Variants in IGF2BP2 observed in about 807,000 individuals in gnomAD.
IGF2BP2 encodes insulin-like growth factor 2 mRNA-binding protein 2.
Under a neutral mutation model 75.8 loss-of-function variants are expected in IGF2BP2, and 17 were observed. The observed-to-expected ratio is 0.22, with a 90% CI of 0.15 to 0.34. The LOEUF (loss-of-function observed/expected upper bound fraction) is 0.34. IGF2BP2 is among the 10% of genes least tolerant of loss of function. IGF2BP2 has a pLI of 1.00. For missense variants in IGF2BP2, 516 were observed against 772.4 expected, an observed-to-expected ratio of 0.67 and a Z score of 3.93; for synonymous variants, 288 against 295.6, an observed-to-expected ratio of 0.97 and a Z score of 0.26.
At chr3:185,713,966 G>T (rs1228593955) in intron 2 of IGF2BP2, among the ~76,000 whole-genome samples, 2 of 152,234 alleles carry the variant, frequency 1.3e-5, no homozygotes, top group Non-Finnish European at 2.9e-5. Context: ...CTCCCAAAGT[G>T]CTGGGATTAC....
At chr3:185,730,872 C>T (rs1728070305) in intron 2 of IGF2BP2, among the ~76,000 whole-genome samples, 1 of 152,048 alleles carries the variant, frequency 6.6e-6, no homozygotes, top group Non-Finnish European at 1.5e-5. Context: ...TCTCTGCATC[C>T]ACCCCAACAT....
intron 2 of IGF2BP2, among the ~76,000 whole-genome samples, chr3:185,808,099 C>T (rs1463287455): frequency 6.8e-6 from 1 of 147,062 alleles, no homozygotes; most frequent in Admixed American, 6.8e-5. Context: ...GGACAAGATG[C>T]CAAGACCTCG....
chr3:185,748,011 A>G (rs1047817711), intron 2 of IGF2BP2, among the ~76,000 whole-genome samples: 1 of 152,058 alleles, frequency 6.6e-6, no homozygotes. Context: ...GCCTGCCACC[A>G]TGCCCAGCTA....
At chr3:185,725,833 C>T (rs564217201) in intron 2 of IGF2BP2, among the ~76,000 whole-genome samples, 4 of 152,162 alleles carry the variant, frequency 2.6e-5, no homozygotes, top group South Asian at 2.1e-4. Flanking sequence ...AAAAATTAGT[C>T]GGGCATGTGT....
chr3:185,728,757 T>G (rs1319556121), intron 2 of IGF2BP2: 3 of 152,228 alleles, frequency 2.0e-5, no homozygotes, highest in Non-Finnish European at 2.9e-5. Context: ...AGGAGCAGGA[T>G]TCAAACGCAG....
At position 185,689,455 on chromosome 3, in the gene IGF2BP2, C is replaced by G; in HGVS notation, c.577G>C (p.Asp193His). The change falls in exon 6 of 16, where the codon GAT becomes CAT. Residue 193 changes from aspartate (D) to histidine (H), a missense_variant. Physicochemically the swap from Asp to His is moderately conservative, Grantham distance 81. This residue lies in a region of IGF2BP2 where 312 missense variants were observed against 474.5 expected (regional missense o/e 0.66). Coordinates refer to ENST00000382199, the MANE Select transcript of IGF2BP2 (RefSeq NM_006548.6). ...PGGTSQARQI[D>H]FPLRILVPTQ... ...GGGACCAGGATCCGCAGCGGGAAAT[C>G]AATCTGTCTGGCCTGAGAAGTGCCC... 6.2e-7 allele frequency: 1 copy of G among 1,613,834 alleles called. No individual in the cohort carries two copies. The highest frequency in any genetic ancestry group is 1.1e-5 in the South Asian group (1 of 91,040).
At chr3:185,669,094 T>C (rs540588016) in intron 10 of IGF2BP2, among the ~76,000 whole-genome samples, 2 of 152,140 alleles carry the variant, frequency 1.3e-5, no homozygotes, top group Non-Finnish European at 2.9e-5. Context: ...AACATCAGAC[T>C]GCGAGGAATT....
intron 2 of IGF2BP2, among the ~76,000 whole-genome samples, chr3:185,704,215 G>A (rs1161280260): frequency 6.6e-6 from 1 of 152,190 alleles, no homozygotes; most frequent in Admixed American, 6.5e-5. Flanking sequence ...GCCCCGAGCT[G>A]GGACAGAAAC....
Position 185,797,131 on chromosome 3 carries a change from G to A in IGF2BP2, c.239+26022C>T, listed in dbSNP as rs569761988. Among the ~76,000 whole-genome samples the A allele has an allele frequency of 9.9e-5, 15 of 152,282 alleles. No homozygotes were observed. The South Asian group carries it at 3.1e-3, about 32-fold the overall frequency. ...TACTCCAGGGACAAGAAGGATAAGA[G>A]ACAGAATTCTCTATGTTCACTTCAC... On this transcript the variant is annotated intron_variant, in intron 2 of 15. Transcript: ENST00000382199.
At chr3:185,745,506 A>C (rs1254585739) in intron 2 of IGF2BP2, among the ~76,000 whole-genome samples, 2 of 152,188 alleles carry the variant, frequency 1.3e-5, no homozygotes, top group Non-Finnish European at 2.9e-5. Flanking sequence ...TCCCACCCCC[A>C]GAGGTGGCTG....
chr3:185,740,157 C>T (rs895370223), intron 2 of IGF2BP2, among the ~76,000 whole-genome samples: 3 of 152,178 alleles, frequency 2.0e-5, no homozygotes, highest in South Asian at 4.1e-4. Context: ...CTTTTTATTT[C>T]CTTCTCAATT....
At chr3:185,733,774 TA>T (rs552920771) in intron 2 of IGF2BP2, among the ~76,000 whole-genome samples, 11 of 151,554 alleles carry the variant, frequency 7.3e-5, no homozygotes, top group African/African-American at 2.7e-4. Context: ...ATAATAATAA[TA>T]AATAAATAAA....
chr3:185,703,838 G>A lies in IGF2BP2; in HGVS notation c.240-5491C>T, dbSNP rs114400375. On this transcript the variant is annotated intron_variant, in intron 2 of 15. Coordinates refer to ENST00000382199, the MANE Select transcript of IGF2BP2 (RefSeq NM_006548.6). Reference sequence around the variant, plus strand: ...CCTGCTTTGGTGTGAGGAGGATAATGCCATAGTTTTCAGGCATATGGTCTA... The same window carrying A: ...CCTGCTTTGGTGTGAGGAGGATAATACCATAGTTTTCAGGCATATGGTCTA... Among the ~76,000 whole-genome samples, 399 of 152,242 alleles carry A rather than the reference G, an allele frequency of 2.6e-3. 1 individual carries two copies. Among genetic ancestry groups the A allele is most frequent in the African/African-American group, 9.1e-3 (378 of 41,544 alleles).
chr3:185,722,795 C>T (rs993800476), intron 2 of IGF2BP2, among the ~76,000 whole-genome samples: 1 of 152,136 alleles, frequency 6.6e-6, no homozygotes, highest in Non-Finnish European at 1.5e-5. Context: ...TAAACAAATA[C>T]ACAAACACAC....
At chr3:185,739,178 C>T (rs1276612719) in intron 2 of IGF2BP2, among the ~76,000 whole-genome samples, 3 of 152,082 alleles carry the variant, frequency 2.0e-5, no homozygotes, top group African/African-American at 7.2e-5. Context: ...GGGATTACAA[C>T]GGTGGACTTA....
chr3:185,809,106 GTTTTT>G (rs1021069707), intron 2 of IGF2BP2, among the ~76,000 whole-genome samples: 7 of 148,838 alleles, frequency 4.7e-5, no homozygotes, highest in African/African-American at 1.5e-4. Flanking sequence ...TTTGTTTTTT[GTTTTT>G]CTTTTCTTTC....
chr3:185,801,779 A>G (rs1005658008), intron 2 of IGF2BP2, among the ~76,000 whole-genome samples: 1 of 152,160 alleles, frequency 6.6e-6, no homozygotes, highest in African/African-American at 2.4e-5. Context: ...AATGCCCATC[A>G]ATGATAGACT....
intron 10 of IGF2BP2, among the ~76,000 whole-genome samples, chr3:185,665,877 G>T (rs914713541): frequency 1.3e-5 from 2 of 152,174 alleles, no homozygotes; most frequent in Non-Finnish European, 2.9e-5. Context: ...TGAGGCATGA[G>T]AATCGCTTGA....
chr3:185,651,623 GT>G (rs1340155977), intron 13 of IGF2BP2, among the ~76,000 whole-genome samples: 4 of 152,106 alleles, frequency 2.6e-5, no homozygotes, highest in Non-Finnish European at 5.9e-5. Context: ...ATAAATATGT[GT>G]TTCTCACTTT....
Sources: gnomAD v4.1 joint callset for allele counts (sites outside exome capture counted in the v4.1 genomes callset) on GRCh38, gnomAD v4.1.1 for gene constraint, gnomAD v4.1.1 regional missense constraint, MANE v1.5 for transcripts, NCBI Gene and HGNC (gene_info 2026-07-23, HGNC 2026-07-21) for gene names.